KANK1: variants seen among roughly 807,000 people sequenced by gnomAD.
KANK1 encodes KN motif and ankyrin repeat domains 1.
A neutral mutation model predicts 106.2 loss-of-function variants in KANK1; 109 were observed. The ratio of observed to expected loss-of-function variants is 1.03; its 90% CI spans 0.88 to 1.20. KANK1 has a LOEUF of 1.20. Ranked by LOEUF, KANK1 falls within the 50% of genes most tolerant of loss-of-function variation. KANK1 has a pLI of 0.00. For missense variants in KANK1, 2,399 were observed against 1,710.7 expected (o/e 1.40, Z -7.10); for synonymous variants, 873 against 652.2 (o/e 1.34, Z -5.16).
chr9:740,721 A>G (rs888175635), intron 8 of KANK1, 71 bp from the exon 9 acceptor site: 14 of 1,517,886 alleles, frequency 9.2e-6, no homozygotes, highest in Non-Finnish European at 1.2e-5. Context: ...CCATCCCTTC[A>G]GTGGCTTCGT....
chr9:527,849 T>G (rs1324676509), intron 1 of KANK1, among the ~76,000 whole-genome samples: 1 of 151,280 alleles, frequency 6.6e-6, no homozygotes, highest in South Asian at 2.1e-4. Context: ...CCCTCACTTC[T>G]CTTTAAAAGT....
chr9:674,889 G>A (rs1816064807), intron 1 of KANK1, among the ~76,000 whole-genome samples: 1 of 152,054 alleles, frequency 6.6e-6, no homozygotes, highest in South Asian at 2.1e-4. Flanking sequence ...TTTTTTAGTA[G>A]AGAAGAGGTT....
rs1398800945 is a variant in KANK1 at position 599,311 on chromosome 9, C to T, written c.-83-77579C>T. The stretch of plus-strand genomic sequence containing the variant: ...GGGATTATAGTTGTGAGCCACCACA[C>T]CCGGCAAGAAATATTATTTTTATTT... On this transcript the variant is annotated intron_variant, in intron 1 of 11. Coordinates refer to ENST00000382297, the MANE Select transcript of KANK1 (RefSeq NM_015158.5). 2.0e-5 allele frequency among the ~76,000 whole-genome samples: 3 copies of T among 151,542 alleles called. No individual in the cohort carries two copies. The East Asian group carries it at 5.8e-4, about 29-fold the overall frequency.
intron 1 of KANK1, among the ~76,000 whole-genome samples, chr9:668,886 C>T (rs1361157067): frequency 3.9e-5 from 6 of 151,982 alleles, no homozygotes; most frequent in Non-Finnish European, 5.9e-5. Flanking sequence ...AGATCCTTCG[C>T]ACTTGCAGTT....
chr9:560,894 G>A (rs1684486863), intron 1 of KANK1, among the ~76,000 whole-genome samples: 1 of 152,176 alleles, frequency 6.6e-6, no homozygotes, highest in Non-Finnish European at 1.5e-5. Context: ...TATAGAATGG[G>A]AGACCTGGAT....
At chr9:724,298 G>C (rs1352741594) in intron 3 of KANK1, among the ~76,000 whole-genome samples, 1 of 152,068 alleles carries the variant, frequency 6.6e-6, no homozygotes, top group African/African-American at 2.4e-5. Context: ...AGTGTGAGTG[G>C]GCAGAGGGAG....
chr9:634,105 C>G (rs899553572), intron 1 of KANK1, among the ~76,000 whole-genome samples: 1 of 152,172 alleles, frequency 6.6e-6, no homozygotes, highest in African/African-American at 2.4e-5. Context: ...TTCACTGAGA[C>G]TGTGATATTG....
At chr9:662,323 C>T (rs1173855919) in intron 1 of KANK1, among the ~76,000 whole-genome samples, 1 of 152,180 alleles carries the variant, frequency 6.6e-6, no homozygotes, top group Non-Finnish European at 1.5e-5. Flanking sequence ...TTGGGAAAAA[C>T]TACTTTAAAG....
At chr9:576,701 C>T (rs1820649988) in intron 1 of KANK1, among the ~76,000 whole-genome samples, 1 of 151,894 alleles carries the variant, frequency 6.6e-6, no homozygotes, top group East Asian at 1.9e-4. Context: ...GAACTTGGTG[C>T]TTCTTCCTGG....
intron 1 of KANK1, among the ~76,000 whole-genome samples, chr9:638,729 C>A (rs1040468314): frequency 6.6e-6 from 1 of 152,150 alleles, no homozygotes; most frequent in Non-Finnish European, 1.5e-5. Flanking sequence ...CTTGAAGAGG[C>A]ACTTGGTTCC....
intron 1 of KANK1, among the ~76,000 whole-genome samples, chr9:552,045 C>G (rs997380365): frequency 6.6e-6 from 1 of 151,980 alleles, no homozygotes; most frequent in Non-Finnish European, 1.5e-5. Context: ...AAGTGAGACC[C>G]TGTCTCAAAA....
intron 9 of KANK1, among the ~76,000 whole-genome samples, chr9:741,214 T>C (rs1784716699): frequency 6.6e-6 from 1 of 151,230 alleles, no homozygotes; most frequent in Admixed American, 6.6e-5. Flanking sequence ...CCCCTACATA[T>C]AAATGATTGC....
In KANK1 at chr9:710,883, T is replaced by C; in HGVS notation, c.117T>C (p.Tyr39=). 6.2e-7 allele frequency: 1 copy of C among 1,614,092 alleles called. No individual in the cohort carries two copies. Among genetic ancestry groups the C allele is most frequent in the Non-Finnish European group, 8.5e-7 (1 of 1,179,966 alleles). ...DPYFVETPYG[Y]QLDLDFLKYV... Reference sequence around the variant, plus strand: ...ACTTTGTGGAGACCCCCTATGGTTATCAACTAGACTTAGATTTCCTCAAAT... The same window carrying C: ...ACTTTGTGGAGACCCCCTATGGTTACCAACTAGACTTAGATTTCCTCAAAT... The change falls in exon 3 of 12, where the codon TAT becomes TAC. Residue 39 remains tyrosine (Y), a synonymous_variant. Coordinates refer to ENST00000382297, the MANE Select transcript of KANK1 (RefSeq NM_015158.5).
intron 1 of KANK1, among the ~76,000 whole-genome samples, chr9:672,802 A>G (rs1399813040): frequency 6.6e-6 from 1 of 152,224 alleles, no homozygotes; most frequent in Non-Finnish European, 1.5e-5. Context: ...AACATGCATC[A>G]GCATCCTTCA....
intron 1 of KANK1, among the ~76,000 whole-genome samples, chr9:592,071 A>C (rs548327617): frequency 6.6e-6 from 1 of 151,930 alleles, no homozygotes; most frequent in South Asian, 2.1e-4. Flanking sequence ...CTAGTGCTTA[A>C]CATGTGGTAT....
intron 1 of KANK1, among the ~76,000 whole-genome samples, chr9:626,471 A>T (rs1032868307): frequency 6.6e-6 from 1 of 151,764 alleles, no homozygotes; most frequent in African/African-American, 2.4e-5. Flanking sequence ...AATTATACTT[A>T]TTATTCTAGA....
intron 1 of KANK1, among the ~76,000 whole-genome samples, chr9:661,502 G>A (rs543090864): frequency 8.2e-4 from 125 of 152,234 alleles, no homozygotes; most frequent in African/African-American, 2.0e-3. Flanking sequence ...TATGTGCCAC[G>A]TTTTATTAAT....
intron 1 of KANK1, among the ~76,000 whole-genome samples, chr9:635,694 CTT>C (rs1162836319): frequency 4.8e-5 from 5 of 103,362 alleles, no homozygotes; most frequent in African/African-American, 1.5e-4. Flanking sequence ...CCTTTTTATT[CTT>C]TTTTTTTTTT....
chr9:717,085 G>C (rs1827914951), intron 3 of KANK1, among the ~76,000 whole-genome samples: 1 of 152,040 alleles, frequency 6.6e-6, no homozygotes, highest in Non-Finnish European at 1.5e-5. Flanking sequence ...AGGAGTTCGA[G>C]ACCATCCTGG....
Sources: gnomAD v4.1 joint callset for allele counts (sites outside exome capture counted in the v4.1 genomes callset) on GRCh38, gnomAD v4.1.1 for gene constraint, MANE v1.5 for transcripts, NCBI Gene and HGNC (gene_info 2026-07-23, HGNC 2026-07-21) for gene names.